The following DOK6 variants were observed in gnomAD, a reference collection of about 807,000 sequenced individuals.
The protein encoded by DOK6 is docking protein 6.
DOK6 carries 22 observed loss-of-function variants against 44.0 expected under a neutral mutation model. The observed-to-expected ratio is 0.50, with a 90% CI of 0.36 to 0.71. The LOEUF is 0.71. DOK6 is among the 30% of genes least tolerant of loss of function. DOK6 has a pLI of 0.00. For synonymous variants in DOK6, 166 were observed against 145.5 expected (o/e 1.14, Z -1.01); for missense variants, 340 against 416.4 (o/e 0.82, Z 1.60).
intron 7 of DOK6, chr18:69,777,998 A>C (rs1980132858): frequency 6.6e-6 from 1 of 152,188 alleles, no homozygotes; most frequent in African/African-American, 2.4e-5. Flanking sequence ...TCATCAAAGT[A>C]AATTGAAAAT....
In DOK6 at chr18:69,551,798, A is replaced by G. The variant is rs187265567; in HGVS notation, c.67-12689A>G. Among the ~76,000 whole-genome samples the G allele has an allele frequency of 2.6e-4, 39 of 152,324 alleles. 1 individual carries two copies. The East Asian group carries it at 6.6e-3, about 26-fold the overall frequency. On this transcript the variant is annotated intron_variant, in intron 1 of 7. Coordinates refer to ENST00000382713, the MANE Select transcript of DOK6 (RefSeq NM_152721.6). Reference sequence around the variant, plus strand: ...CTTAGCAAAACTGTCTGATTTTAATATATGTGTATTGTTTTTAATGTTTCA... The same window carrying G: ...CTTAGCAAAACTGTCTGATTTTAATGTATGTGTATTGTTTTTAATGTTTCA...
chr18:69,480,205 ACT>A (rs1342411130), intron 1 of DOK6, among the ~76,000 whole-genome samples: 1 of 151,844 alleles, frequency 6.6e-6, no homozygotes, highest in Non-Finnish European at 1.5e-5. Flanking sequence ...TATTTTATGG[ACT>A]CTATCATTTT....
At chr18:69,677,877 C>T (rs762910143) in intron 4 of DOK6, 24 bp downstream of exon 4, 2 of 1,609,902 alleles carry the variant, frequency 1.2e-6, no homozygotes, top group Admixed American at 1.7e-5. Context: ...TGCCTTCCAT[C>T]ACTTCAGAAT....
At chr18:69,774,667 G>A (rs539502021) in intron 7 of DOK6, among the ~76,000 whole-genome samples, 21 of 152,004 alleles carry the variant, frequency 1.4e-4, no homozygotes, top group South Asian at 8.3e-4. Context: ...ATCATTCAGC[G>A]TGCAACAGAG....
intron 1 of DOK6, among the ~76,000 whole-genome samples, chr18:69,491,242 C>A (rs1332318444): frequency 6.6e-6 from 1 of 152,180 alleles, no homozygotes; most frequent in Non-Finnish European, 1.5e-5. Context: ...CAGTGCAGAA[C>A]ATCTATGGAG....
At chr18:69,653,411 A>G (rs4891763) in intron 3 of DOK6, among the ~76,000 whole-genome samples, 141,834 of 152,120 alleles carry the variant, frequency 0.93, 66,936 homozygotes, top group East Asian at 1. Flanking sequence ...TGAGCCTGAT[A>G]TTTGACTCTG....
intron 3 of DOK6, among the ~76,000 whole-genome samples, chr18:69,613,834 C>T (rs1984220123): frequency 6.6e-6 from 1 of 151,446 alleles, no homozygotes; most frequent in Admixed American, 6.6e-5. Context: ...TAGGTTCTTC[C>T]CTCCAAAATA....
chr18:69,437,736 C>A (rs147941743), intron 1 of DOK6, among the ~76,000 whole-genome samples: 1,878 of 152,014 alleles, frequency 0.012, 21 homozygotes, highest in Non-Finnish European at 0.02. Context: ...TGGGGATAAT[C>A]CAAAGGAATT....
intron 1 of DOK6, among the ~76,000 whole-genome samples, chr18:69,544,009 C>T (rs1421067242): frequency 2.7e-5 from 4 of 150,764 alleles, no homozygotes; most frequent in Non-Finnish European, 5.9e-5. Flanking sequence ...TAGTTCATGA[C>T]AGTTCTTGCG....
At chr18:69,568,828 C>T (rs572612057) in intron 2 of DOK6, among the ~76,000 whole-genome samples, 18 of 151,666 alleles carry the variant, frequency 1.2e-4, no homozygotes, top group South Asian at 2.1e-4. Context: ...ACAGGCTGTG[C>T]GCTCCTTATG....
intron 1 of DOK6, among the ~76,000 whole-genome samples, chr18:69,559,696 A>G (rs1353878015): frequency 6.6e-6 from 1 of 152,156 alleles, no homozygotes; most frequent in Non-Finnish European, 1.5e-5. Flanking sequence ...TCATATAGCT[A>G]GTGGCTTGAA....
At chr18:69,676,067 A>AAAACTAATCGTACCCCCAT (rs1985915444) in intron 3 of DOK6, among the ~76,000 whole-genome samples, 2 of 152,160 alleles carry the variant, frequency 1.3e-5, no homozygotes, top group African/African-American at 4.8e-5. Flanking sequence ...CAGGCCTCTG[A>AAAACTAATCGTACCCCCAT]CTCCACTCAA....
intron 1 of DOK6, among the ~76,000 whole-genome samples, chr18:69,549,808 T>C (rs1208329200): frequency 2.6e-5 from 4 of 151,130 alleles, no homozygotes; most frequent in East Asian, 3.9e-4. Context: ...TGAAACAAAG[T>C]ACATTTTTTA....
intron 6 of DOK6, among the ~76,000 whole-genome samples, chr18:69,746,960 G>A (rs997769285): frequency 2.6e-5 from 4 of 152,158 alleles, no homozygotes; most frequent in African/African-American, 7.2e-5. Context: ...ATTTTACAGT[G>A]AGTCATGGGG....
intron 3 of DOK6, among the ~76,000 whole-genome samples, chr18:69,664,327 G>C (rs1406060361): frequency 1.3e-5 from 2 of 151,996 alleles, no homozygotes; most frequent in Admixed American, 6.6e-5. Context: ...ATTTATTATA[G>C]GTTCTCATTT....
At chr18:69,745,932 C>T (rs934962071) in intron 6 of DOK6, among the ~76,000 whole-genome samples, 1 of 152,178 alleles carries the variant, frequency 6.6e-6, no homozygotes, top group Non-Finnish European at 1.5e-5. Context: ...ATTTTATGAA[C>T]TTAACGATAG....
At chr18:69,519,401 T>C (rs1462056988) in intron 1 of DOK6, among the ~76,000 whole-genome samples, 1 of 151,846 alleles carries the variant, frequency 6.6e-6, no homozygotes, top group Non-Finnish European at 1.5e-5. Context: ...ATAAGTCAGA[T>C]ACAAGAATGT....
intron 1 of DOK6, among the ~76,000 whole-genome samples, chr18:69,416,542 C>A (rs533657705): frequency 6.6e-6 from 1 of 152,132 alleles, no homozygotes; most frequent in East Asian, 1.9e-4. Flanking sequence ...CCTAGAAATG[C>A]AGCAGAAAGT....
chr18:69,630,699 C>T (rs1194796361), intron 3 of DOK6, among the ~76,000 whole-genome samples: 2 of 152,064 alleles, frequency 1.3e-5, no homozygotes, highest in Non-Finnish European at 2.9e-5. Flanking sequence ...TTTCAAAGCC[C>T]CAGGCATTAG....
Sources: gnomAD v4.1 joint callset for allele counts (sites outside exome capture counted in the v4.1 genomes callset) on GRCh38, gnomAD v4.1.1 for gene constraint, MANE v1.5 for transcripts, NCBI Gene and HGNC (gene_info 2026-07-23, HGNC 2026-07-21) for gene names.